The following KIAA0586 variants were observed in gnomAD, a reference collection of about 807,000 sequenced individuals.
KIAA0586 encodes the protein protein TALPID3.
A neutral mutation model predicts 169.8 loss-of-function variants in KIAA0586; 144 were observed. The ratio of observed to expected loss-of-function variants is 0.85; its 90% confidence interval spans 0.74 to 0.97. The LOEUF is 0.97. KIAA0586 is among the 50% of genes least tolerant of loss of function. The probability of loss-of-function intolerance (pLI) is 0.00; values close to 1 mark genes in which losing one functional copy is unlikely to be tolerated. For missense variants in KIAA0586, 1,854 were observed against 1,823.0 expected (o/e 1.02, Z -0.31); for synonymous variants, 625 against 612.4 (o/e 1.02, Z -0.30).
intron 19 of KIAA0586, among the ~76,000 whole-genome samples, chr14:58,475,491 C>T (rs1488013995): frequency 6.6e-6 from 1 of 151,880 alleles, no homozygotes; most frequent in Admixed American, 6.6e-5. Flanking sequence ...TAATACCTAG[C>T]ACTACAAAGA....
At chr14:58,460,583 A>G (rs549596921) in intron 13 of KIAA0586, among the ~76,000 whole-genome samples, 1 of 152,152 alleles carries the variant, frequency 6.6e-6, no homozygotes, top group East Asian at 1.9e-4. Flanking sequence ...TATACTTAGT[A>G]GATTCTCAGT....
At position 58,431,929 on chromosome 14, in the gene KIAA0586, G is replaced by A. The variant is rs377602765; in HGVS notation, c.341-459G>A. 2.6e-5 allele frequency among the ~76,000 whole-genome samples: 4 copies of A among 152,276 alleles called. 1 individual carries two copies. On this transcript the variant is annotated intron_variant, in intron 3 of 30. Coordinates refer to ENST00000652326, the MANE Select transcript of KIAA0586 (RefSeq NM_001329943.3). Reference sequence around the variant, plus strand: ...TTTTTGTACGTTGATTTTGTATCCTGAAACTTTACTTAAGTCATTTATCAG... The same window carrying A: ...TTTTTGTACGTTGATTTTGTATCCTAAAACTTTACTTAAGTCATTTATCAG...
At chr14:58,472,085 A>T in intron 17 of KIAA0586, 114 bp from the exon 18 acceptor site, 1 of 481,490 alleles carries the variant, frequency 2.1e-6, no homozygotes, top group Non-Finnish European at 3.7e-6. Context: ...TATTAAAATG[A>T]TTAAAAAGGA....
At chr14:58,497,216 A>G (rs918204331) in intron 26 of KIAA0586, among the ~76,000 whole-genome samples, 2 of 151,928 alleles carry the variant, frequency 1.3e-5, no homozygotes, top group African/African-American at 2.4e-5. Context: ...CAGGTGATCC[A>G]CCCACCTCGG....
In KIAA0586 at chr14:58,550,484, G is replaced by A. The variant is rs80009516; in HGVS notation, c.*2552G>A. ...TTAAATTTTACAATTTCCAACTTCC[G>A]GAATAAACTATTTATGAGACATGCT... On this transcript the variant is annotated 3_prime_UTR_variant, in exon 31 of 31. Coordinates refer to ENST00000652326, the MANE Select transcript of KIAA0586 (RefSeq NM_001329943.3). The A allele has an allele frequency of 3.9e-5, 6 of 151,948 alleles. No individual in the cohort carries two copies. Among genetic ancestry groups the A allele is most frequent in the African/African-American group, 9.7e-5 (4 of 41,418 alleles). 9.4% of individuals were successfully genotyped at this position (151,948 alleles called of 1,614,324 possible).
intron 6 of KIAA0586, among the ~76,000 whole-genome samples, chr14:58,445,479 G>T (rs1234987276): frequency 6.6e-6 from 1 of 150,454 alleles, no homozygotes; most frequent in Non-Finnish European, 1.5e-5. Flanking sequence ...TGTTGCCCAG[G>T]CTGGAGTGCA....
intron 4 of KIAA0586, chr14:58,439,804 C>G (rs2038147853): frequency 7.1e-6 from 7 of 980,732 alleles, no homozygotes; most frequent in Non-Finnish European, 8.5e-6. Flanking sequence ...TTCTGTGATG[C>G]CCTTAAAAGT....
chr14:58,539,770 C>G, intron 29 of KIAA0586: 1 of 214,668 alleles, frequency 4.7e-6, no homozygotes, highest in Non-Finnish European at 9.2e-6. Context: ...AGAAATGGCC[C>G]ATTAATTTCC....
rs145502517 is a variant in KIAA0586, at chr14:58,428,196, C to G, written c.-69C>G. On this transcript the variant is annotated 5_prime_UTR_variant, in exon 1 of 31. Coordinates refer to ENST00000652326, the MANE Select transcript of KIAA0586 (RefSeq NM_001329943.3). ...ATTGCAAAGAGGTGAAAATTTTGTT[C>G]TGAAGTCTTAAGGAAACAGAGAAAG... The G allele has an allele frequency of 1.3e-6, 2 of 1,534,938 alleles. No homozygotes were observed.
intron 27 of KIAA0586, among the ~76,000 whole-genome samples, chr14:58,501,934 C>T (rs1207412979): frequency 6.6e-6 from 1 of 152,132 alleles, no homozygotes; most frequent in East Asian, 1.9e-4. Flanking sequence ...CCTGATGTGG[C>T]AGTCAAGGTG....
intron 29 of KIAA0586, chr14:58,536,990 T>G: frequency 7.9e-7 from 1 of 1,270,994 alleles, no homozygotes; most frequent in Non-Finnish European, 1.0e-6. Flanking sequence ...AATACCAGTA[T>G]TATGTTTTTT....
At chr14:58,514,668 AAG>A (rs148031483) in intron 29 of KIAA0586, among the ~76,000 whole-genome samples, 2,181 of 152,144 alleles carry the variant, frequency 0.014, 49 homozygotes, top group African/African-American at 0.05. Flanking sequence ...TTTAATATAA[AAG>A]AGAGGAATTC....
At chr14:58,440,005 T>C in intron 4 of KIAA0586, 1 of 231,764 alleles carries the variant, frequency 4.3e-6, no homozygotes, top group Non-Finnish European at 8.5e-6. Flanking sequence ...TATGTATCTA[T>C]TTGCTGGACT....
chr14:58,483,201 T>A (rs2042155728), intron 21 of KIAA0586, among the ~76,000 whole-genome samples: 1 of 152,190 alleles, frequency 6.6e-6, no homozygotes, highest in Non-Finnish European at 1.5e-5. Context: ...TGAATACTGT[T>A]CTTGATCCAC....
chr14:58,528,139 G>T (rs192317440), intron 29 of KIAA0586, among the ~76,000 whole-genome samples: 3 of 152,106 alleles, frequency 2.0e-5, no homozygotes, highest in Non-Finnish European at 2.9e-5. Context: ...GGATCAATGC[G>T]ACAAGAAGAG....
chr14:58,429,203 GAT>G (rs1566766644), intron 1 of KIAA0586, among the ~76,000 whole-genome samples, 158 bp from the exon 2 acceptor site: 3 of 152,100 alleles, frequency 2.0e-5, no homozygotes, highest in Admixed American at 6.6e-5. Flanking sequence ...CTTTCATTCA[GAT>G]ATGTTTAAAT....
intron 29 of KIAA0586, among the ~76,000 whole-genome samples, chr14:58,532,646 G>T (rs2046052842): frequency 6.6e-6 from 1 of 152,074 alleles, no homozygotes; most frequent in African/African-American, 2.4e-5. Flanking sequence ...CATGACAAAT[G>T]CTGTGTAATA....
rs759454433 is a variant in KIAA0586, at chr14:58,482,622, T to C, written c.3054T>C (p.Ala1018=). 6.2e-7 allele frequency: 1 copy of C among 1,609,554 alleles called. No homozygotes were observed. The highest frequency in any genetic ancestry group is 8.5e-7 in the Non-Finnish European group (1 of 1,177,630). ...ACGAAGCTCTTGCTGAGACCATTGCTGTCATGCTGGGTGACAGAGAAGCAA... is the reference window on the plus strand; with the variant it reads ...ACGAAGCTCTTGCTGAGACCATTGCCGTCATGCTGGGTGACAGAGAAGCAA... ...FVNEALAETI[A]VMLGDREAKK... Residue 1018 remains alanine (A), a synonymous_variant, in exon 21 of 31, where the codon GCT becomes GCC. Coordinates refer to ENST00000652326, the MANE Select transcript of KIAA0586 (RefSeq NM_001329943.3).
At chr14:58,520,717 G>C (rs2045149651) in intron 29 of KIAA0586, among the ~76,000 whole-genome samples, 1 of 151,924 alleles carries the variant, frequency 6.6e-6, no homozygotes, top group African/African-American at 2.4e-5. Flanking sequence ...GTAGAGACAA[G>C]GTCTCACTCT....
Sources: gnomAD v4.1 joint callset for allele counts (sites outside exome capture counted in the v4.1 genomes callset) on GRCh38, gnomAD v4.1.1 for gene constraint, MANE v1.5 for transcripts, NCBI Gene and HGNC (gene_info 2026-07-23, HGNC 2026-07-21) for gene names.